The following TEX46 variants were observed in gnomAD, a reference collection of about 807,000 sequenced individuals.
The protein encoded by TEX46 is testis expressed 46.
In TEX46, 6 loss-of-function variants were observed where a neutral mutation model predicts 5.3. The ratio of observed to expected loss-of-function variants is 1.13; its 90% CI spans 0.62 to 2.23. The LOEUF (loss-of-function observed/expected upper bound fraction) is 2.23. Ranked by LOEUF, TEX46 falls within the 30% of genes most tolerant of loss-of-function variation. TEX46 has a pLI of 0.00. For synonymous variants in TEX46, 41 were observed against 54.6 expected, an observed-to-expected ratio of 0.75 and a Z score of 1.10; for missense variants, 131 against 150.9, an observed-to-expected ratio of 0.87 and a Z score of 0.69.
chr1:23,011,407 T>G (rs1289165902), intron 2 of TEX46, among the ~76,000 whole-genome samples: 2 of 151,580 alleles, frequency 1.3e-5, no homozygotes, highest in African/African-American at 4.8e-5. Context: ...TTTTTTTTTT[T>G]TTGAGACTGA....
chr1:23,013,906 G>A lies in TEX46; in HGVS notation c.142C>T (p.Leu48Phe), dbSNP rs1276804102. The change falls in exon 2 of 3, where the codon CTC becomes TTC. Residue 48 changes from leucine to phenylalanine, a missense_variant. Transcript: ENST00000566855. Reference sequence around the variant, plus strand: ...ACCTGCTGGGGCTCTGGGAGGGTGAGCTTGTGTTCATACTTGACCAACCAG... The same window carrying A: ...ACCTGCTGGGGCTCTGGGAGGGTGAACTTGTGTTCATACTTGACCAACCAG... Reference protein sequence around the residue: ...SNWLVKYEHKLTLPEPQQDEI... With the variant: ...SNWLVKYEHKFTLPEPQQDEI... 2 of 1,536,064 alleles carry A rather than the reference G, an allele frequency of 1.3e-6. No individual in the cohort carries two copies. The highest frequency in any genetic ancestry group is 1.7e-6 in the Non-Finnish European group (2 of 1,146,882).
At chr1:23,015,317 T>C (rs1471860609) in intron 1 of TEX46, among the ~76,000 whole-genome samples, 1 of 151,254 alleles carries the variant, frequency 6.6e-6, no homozygotes, top group Non-Finnish European at 1.5e-5. Context: ...GCGCCTGTCA[T>C]CTCAGCTACT....
chr1:23,014,108 G>T, intron 1 of TEX46, 63 bp from the exon 2 acceptor site: 1 of 1,487,566 alleles, frequency 6.7e-7, no homozygotes, highest in South Asian at 1.3e-5. Context: ...CCAGGACCCT[G>T]CCTCAGGCCC....
chr1:23,012,631 A>G (rs576580014), intron 2 of TEX46, among the ~76,000 whole-genome samples: 1 of 152,284 alleles, frequency 6.6e-6, no homozygotes, highest in Admixed American at 6.5e-5. Context: ...CCCAGGGGAC[A>G]TTTGGCAATA....
chr1:23,015,787 T>TA lies in TEX46; in HGVS notation c.-15dup. Reference sequence around the variant, plus strand: ...TTCCACTTACATGAGCTATCTACAATAGTCAAATTCATAGAGGCAAAGAGT... The same window carrying TA: ...TTCCACTTACATGAGCTATCTACAATAAGTCAAATTCATAGAGGCAAAGAGT... On this transcript the variant is annotated 5_prime_UTR_variant, in exon 1 of 3. It introduces an in-frame stop codon into an upstream open reading frame of the 5' UTR. Transcript: ENST00000566855. 2 of 696,592 alleles carry TA rather than the reference T, an allele frequency of 2.9e-6. No homozygotes were observed. Among genetic ancestry groups the TA allele is most frequent in the Non-Finnish European group, 5.2e-6 (2 of 381,984 alleles). The allele number at this position is 696,592 out of a possible 1,614,324, so 43.2% of individuals were successfully genotyped here.
In TEX46 at chr1:23,011,008, C is replaced by T. The variant is rs970689281; in HGVS notation, c.259G>A (p.Gly87Arg). The T allele has an allele frequency of 3.7e-5, 57 of 1,535,798 alleles. No homozygotes were observed. Among genetic ancestry groups the T allele is most frequent in the Middle Eastern group, 3.3e-4 (2 of 6,012 alleles). ...AAATTCCGATGTCTGCTTGACCGCC[C>T]GTGGTGATTCATTTTATTCCATATG... is the stretch of plus-strand genomic sequence containing the variant. Reference protein sequence around the residue: ...FIIWNKMNHHGRSSRHRNFPM... With the variant: ...FIIWNKMNHHRRSSRHRNFPM... The change falls in exon 3 of 3, where the codon GGG becomes AGG. Residue 87 changes from glycine (G) to arginine (R), a missense_variant. Physicochemically the swap from Gly to Arg is moderately radical, Grantham distance 125. Coordinates refer to ENST00000566855, the MANE Select transcript of TEX46 (RefSeq NM_001242521.2).
chr1:23,014,694 C>T (rs1485269086), intron 1 of TEX46, among the ~76,000 whole-genome samples: 4 of 151,902 alleles, frequency 2.6e-5, no homozygotes, highest in African/African-American at 9.7e-5. Context: ...GCTAAGACTA[C>T]AGGCATGTGC....
chr1:23,013,160 G>A (rs754997429), intron 2 of TEX46, among the ~76,000 whole-genome samples: 15 of 151,530 alleles, frequency 9.9e-5, no homozygotes, highest in Non-Finnish European at 1.6e-4. Context: ...GAGCCACTGC[G>A]CCAGGCTGTT....
At chr1:23,013,322 G>A (rs1406656742) in intron 2 of TEX46, among the ~76,000 whole-genome samples, 1 of 152,026 alleles carries the variant, frequency 6.6e-6, no homozygotes, top group Non-Finnish European at 1.5e-5. Context: ...ACAGGTGTGT[G>A]TCACCACACC....
intron 2 of TEX46, among the ~76,000 whole-genome samples, chr1:23,012,244 G>A (rs1034024583): frequency 2.6e-5 from 4 of 151,962 alleles, no homozygotes; most frequent in African/African-American, 9.7e-5. Context: ...TTGGGAGGCT[G>A]AGGTGGAAGG....
intron 1 of TEX46, chr1:23,014,254 G>T: frequency 1.9e-6 from 1 of 532,192 alleles, no homozygotes. Flanking sequence ...TCTTTGACAG[G>T]CAGTTTGAAA....
At position 23,013,936 on chromosome 1, in the gene TEX46, T is replaced by C; in HGVS notation, c.112A>G (p.Ser38Gly). Reference sequence around the variant, plus strand: ...TGTTCATACTTGACCAACCAGTTGCTAAGCAACAGCAGAAGGAATAGGAAC... The same window carrying C: ...TGTTCATACTTGACCAACCAGTTGCCAAGCAACAGCAGAAGGAATAGGAAC... ...FGFLFLLLLLSNWLVKYEHKL... is the reference protein window; with the variant it reads ...FGFLFLLLLLGNWLVKYEHKL... The change falls in exon 2 of 3, where the codon AGC becomes GGC. Residue 38 changes from serine to glycine, a missense_variant. Coordinates refer to ENST00000566855, the MANE Select transcript of TEX46 (RefSeq NM_001242521.2). The C allele has an allele frequency of 6.5e-7, 1 of 1,536,102 alleles. No individual in the cohort carries two copies. Among genetic ancestry groups the C allele is most frequent in the Non-Finnish European group, 8.7e-7 (1 of 1,146,902 alleles).
intron 2 of TEX46, among the ~76,000 whole-genome samples, chr1:23,013,187 T>G (rs1431921936): frequency 6.8e-6 from 1 of 147,088 alleles, no homozygotes; most frequent in Non-Finnish European, 1.5e-5. Flanking sequence ...TTTATTTTTG[T>G]TTTTAGATGG....
At chr1:23,015,636 T>C in intron 1 of TEX46, 136 bp downstream of exon 1, 2 of 593,024 alleles carry the variant, frequency 3.4e-6, no homozygotes, top group Non-Finnish European at 3.0e-6. Context: ...TAAAATGTTA[T>C]ATACACGCAA....
At chr1:23,012,075 T>C (rs1224954607) in intron 2 of TEX46, among the ~76,000 whole-genome samples, 1 of 151,888 alleles carries the variant, frequency 6.6e-6, no homozygotes, top group African/African-American at 2.4e-5. Flanking sequence ...TTAAGCCAGG[T>C]GTGGTGGCTC....
In TEX46 at chr1:23,013,971, G is replaced by T; in HGVS notation, c.77C>A (p.Ala26Asp). 1 of 1,535,890 alleles carries T rather than the reference G, an allele frequency of 6.5e-7. No individual in the cohort carries two copies. Among genetic ancestry groups the T allele is most frequent in the Non-Finnish European group, 8.7e-7 (1 of 1,146,812 alleles). ...VAAWLMSYKP[A>D]LFGFLFLLLL... ...CAGAAGGAATAGGAACCCAAACAAG[G>T]CTGGCTTATAGCTCATCAGCCAAGC... is the stretch of plus-strand genomic sequence containing the variant. The change falls in exon 2 of 3, where the codon GCC becomes GAC. Residue 26 changes from alanine (A) to aspartate (D), a missense_variant. Coordinates refer to ENST00000566855, the MANE Select transcript of TEX46 (RefSeq NM_001242521.2).
intron 2 of TEX46, 48 bp from the exon 3 acceptor site, chr1:23,011,149 C>T (rs779668030): frequency 2.4e-5 from 34 of 1,444,738 alleles, no homozygotes; most frequent in East Asian, 1.7e-4. Flanking sequence ...TTTGTGTTCA[C>T]GGCCTTGCTG....
chr1:23,011,038 A>C lies in TEX46; in HGVS notation c.229T>G (p.Phe77Val), dbSNP rs1381377707. The C allele has an allele frequency of 6.5e-7, 1 of 1,535,876 alleles. No homozygotes were observed. Among genetic ancestry groups the C allele is most frequent in the Non-Finnish European group, 8.7e-7 (1 of 1,146,834 alleles). ...TGATTCATTTTATTCCATATGATGA[A>C]CATCTGATTTTCTAGGACCTTCATC... ...MKMKVLENQMFIIWNKMNHHG... is the reference protein window; with the variant it reads ...MKMKVLENQMVIIWNKMNHHG... Residue 77 changes from phenylalanine (F) to valine (V), a missense_variant, in exon 3 of 3, where the codon TTC (phenylalanine) becomes GTC (valine). By Grantham distance (50) the Phe-to-Val change is conservative (BLOSUM62 -1). Coordinates refer to ENST00000566855, the MANE Select transcript of TEX46 (RefSeq NM_001242521.2).
In TEX46 at chr1:23,011,099, G is replaced by A. The variant is rs919319910; in HGVS notation, c.168C>T (p.Asp56=). The A allele has an allele frequency of 1.2e-5, 19 of 1,535,574 alleles. No individual in the cohort carries two copies. Among genetic ancestry groups the A allele is most frequent in the Admixed American group, 3.9e-5 (2 of 50,956 alleles). The change falls in exon 3 of 3, where the codon GAC becomes GAT. Residue 56 remains aspartate, a splice_region_variant and synonymous_variant. Transcript: ENST00000566855. ...HKLTLPEPQQ[D]EILQRLLFSE... ...TGAACAACAGCCGTTGGAGGATCTC[G>A]TCCTGGAGGGCAAAGCAGGCATGCG...
Sources: gnomAD v4.1 joint callset for allele counts (sites outside exome capture counted in the v4.1 genomes callset) on GRCh38, gnomAD v4.1.1 for gene constraint, MANE v1.5 for transcripts, NCBI Gene and HGNC (gene_info 2026-07-23, HGNC 2026-07-21) for gene names.